Variants in MPHOSPH8 observed in about 807,000 individuals in gnomAD.
The protein encoded by MPHOSPH8 is M-phase phosphoprotein 8.
A neutral mutation model predicts 87.3 loss-of-function variants in MPHOSPH8; 45 were observed. That is an observed-to-expected ratio of 0.52 (90% CI 0.41 to 0.66). The LOEUF (loss-of-function observed/expected upper bound fraction) is 0.66. Among genes scored for constraint, MPHOSPH8 ranks in the 30% least tolerant of loss-of-function variants. MPHOSPH8 has a pLI of 0.00. For synonymous variants in MPHOSPH8, 366 were observed against 376.9 expected, an observed-to-expected ratio of 0.97 and a Z score of 0.33; for missense variants, 883 against 1,020.2, an observed-to-expected ratio of 0.87 and a Z score of 1.83.
intron 10 of MPHOSPH8, among the ~76,000 whole-genome samples, chr13:19,667,072 G>C (rs1164204817): frequency 2.0e-5 from 3 of 152,112 alleles, no homozygotes; most frequent in Non-Finnish European, 2.9e-5. Flanking sequence ...TGAGGCAGGA[G>C]AATCGCTTGA....
At chr13:19,645,575 A>G (rs1026796702) in intron 2 of MPHOSPH8, among the ~76,000 whole-genome samples, 3 of 151,976 alleles carry the variant, frequency 2.0e-5, no homozygotes, top group African/African-American at 7.3e-5. Context: ...GGACAACATG[A>G]TGAAACCCTG....
intron 12 of MPHOSPH8, chr13:19,670,871 TGCAGTGGC>T (rs778815003): frequency 9.1e-7 from 1 of 1,104,046 alleles, no homozygotes; most frequent in South Asian, 1.3e-5. Flanking sequence ...CAGGCTGGAG[TGCAGTGGC>T]GCGGATTACA....
chr13:19,654,150 CAGAG>C (rs1410747437), intron 5 of MPHOSPH8, among the ~76,000 whole-genome samples: 1 of 152,180 alleles, frequency 6.6e-6, no homozygotes, highest in Non-Finnish European at 1.5e-5. Flanking sequence ...TAAGGGCAGT[CAGAG>C]AGAAAAGTCG....
chr13:19,654,179 G>T (rs757281742), intron 5 of MPHOSPH8, among the ~76,000 whole-genome samples: 25 of 152,190 alleles, frequency 1.6e-4, no homozygotes, highest in Non-Finnish European at 3.1e-4. Context: ...ACCCACAAAG[G>T]GAAGCCTGTC....
chr13:19,661,014 A>C (rs555690945), intron 7 of MPHOSPH8: 266 of 952,402 alleles, frequency 2.8e-4, no homozygotes, highest in Middle Eastern at 1.6e-3. Flanking sequence ...AATCCCATCT[A>C]CTTGAGGCTG....
chr13:19,651,606 G>T (rs1377252489), intron 5 of MPHOSPH8, among the ~76,000 whole-genome samples: 1 of 151,934 alleles, frequency 6.6e-6, no homozygotes, highest in African/African-American at 2.4e-5. Flanking sequence ...GAGGCAGGAG[G>T]ATCAATAAGC....
At chr13:19,667,533 C>G (rs1266560897) in intron 10 of MPHOSPH8, among the ~76,000 whole-genome samples, 1 of 152,158 alleles carries the variant, frequency 6.6e-6, no homozygotes, top group Admixed American at 6.5e-5. Context: ...CCCTCCCTCC[C>G]CCAGCCCCTG....
intron 12 of MPHOSPH8, chr13:19,670,849 CGCTCTGTT>C: frequency 8.8e-7 from 1 of 1,142,816 alleles, no homozygotes; most frequent in Non-Finnish European, 1.1e-6. Context: ...GACAGGGTCT[CGCTCTGTT>C]GTCCAGGCTG....
rs748375206 is a variant in MPHOSPH8 at position 19,646,953 on chromosome 13, A to C, written c.880A>C (p.Lys294Gln). 2 of 1,592,670 alleles carry C rather than the reference A, an allele frequency of 1.3e-6. No individual in the cohort carries two copies. The highest frequency in any genetic ancestry group is 1.7e-6 in the Non-Finnish European group (2 of 1,174,836). The change falls in exon 3 of 14, where the codon AAA (lysine) becomes CAA (glutamine). Residue 294 changes from lysine (K) to glutamine (Q), a missense_variant. Around this residue, in one of 3 missense-constraint regions of MPHOSPH8, gnomAD observed 741 missense variants for 841.5 expected, o/e 0.88. Transcript: ENST00000361479. ...SDSREEKQNT[K>Q]SARERAGQDM... The stretch of plus-strand genomic sequence containing the variant: ...CAGCAGAGAAGAGAAACAAAACACT[A>C]AAAGTGCAAGAGAGAGAGCAGGGCA...
At chr13:19,635,083 T>C (rs1270289953) in intron 1 of MPHOSPH8, among the ~76,000 whole-genome samples, 1 of 152,224 alleles carries the variant, frequency 6.6e-6, no homozygotes, top group Non-Finnish European at 1.5e-5. Context: ...AATATTGTTA[T>C]TTGCAATAAA....
intron 4 of MPHOSPH8, among the ~76,000 whole-genome samples, chr13:19,648,989 G>T (rs972305522): frequency 1.4e-4 from 21 of 152,140 alleles, no homozygotes; most frequent in African/African-American, 3.9e-4. Flanking sequence ...ATGTTTTCTG[G>T]CAAACAGTGG....
intron 1 of MPHOSPH8, among the ~76,000 whole-genome samples, chr13:19,636,635 A>G (rs1394914530): frequency 2.0e-5 from 3 of 151,874 alleles, no homozygotes; most frequent in Admixed American, 6.6e-5. Context: ...GTGCTCTACC[A>G]TGACTAATAT....
chr13:19,651,902 A>C (rs1191909920), intron 5 of MPHOSPH8, among the ~76,000 whole-genome samples: 1 of 152,036 alleles, frequency 6.6e-6, no homozygotes, highest in East Asian at 1.9e-4. Flanking sequence ...GTCCGAGACC[A>C]GCCTGGACAA....
At chr13:19,642,571 T>C (rs1874356026) in intron 2 of MPHOSPH8, among the ~76,000 whole-genome samples, 1 of 152,214 alleles carries the variant, frequency 6.6e-6, no homozygotes, top group African/African-American at 2.4e-5. Context: ...AACTATCATT[T>C]GTTCGTCCGT....
At chr13:19,670,952 TG>T in intron 12 of MPHOSPH8, 1 of 1,010,092 alleles carries the variant, frequency 9.9e-7, no homozygotes, top group South Asian at 1.5e-5. Context: ...CCTAACTACC[TG>T]GGACTAAAAA....
At chr13:19,637,827 C>T (rs974478142) in intron 1 of MPHOSPH8, among the ~76,000 whole-genome samples, 3 of 151,768 alleles carry the variant, frequency 2.0e-5, no homozygotes, top group Admixed American at 6.6e-5. Flanking sequence ...ACAGGCCGGG[C>T]GCGGTGGGTC....
At position 19,663,129 on chromosome 13, in the gene MPHOSPH8, A is replaced by G. The variant is rs755774868; in HGVS notation, c.2019+3A>G. On this transcript the variant is annotated splice_donor_region_variant and intron_variant, in intron 9 of 13. Coordinates refer to ENST00000361479, the MANE Select transcript of MPHOSPH8 (RefSeq NM_017520.4). ...ATGGTGAGACTGCACTGATGAAGGT[A>G]AATCCCTCCTGCAGGTCATCCCTTT... 5 of 1,610,900 alleles carry G rather than the reference A, an allele frequency of 3.1e-6. No individual in the cohort carries two copies. The highest frequency in any genetic ancestry group is 4.2e-6 in the Non-Finnish European group (5 of 1,177,128).
chr13:19,640,388 A>G (rs1874224165), intron 1 of MPHOSPH8, among the ~76,000 whole-genome samples: 1 of 152,200 alleles, frequency 6.6e-6, no homozygotes, highest in Non-Finnish European at 1.5e-5. Flanking sequence ...AACAATTCTT[A>G]GATCACAAGG....
intron 10 of MPHOSPH8, among the ~76,000 whole-genome samples, chr13:19,668,131 C>CT (rs1565944411): frequency 6.6e-6 from 1 of 152,174 alleles, no homozygotes; most frequent in African/African-American, 2.4e-5. Flanking sequence ...GTTCTAAAGG[C>CT]TGGGGAGATG....
Sources: gnomAD v4.1 joint callset for allele counts (sites outside exome capture counted in the v4.1 genomes callset) on GRCh38, gnomAD v4.1.1 for gene constraint, gnomAD v4.1.1 regional missense constraint, MANE v1.5 for transcripts, NCBI Gene and HGNC (gene_info 2026-07-23, HGNC 2026-07-21) for gene names.